CCDC195: variants seen among roughly 807,000 people sequenced by gnomAD.
The protein encoded by CCDC195 is coiled-coil domain-containing protein 195.
In CCDC195 at chr2:224,704,610, C is replaced by CTTTTTTTTTTTTTTTTTTTTT. The variant is rs55801561; in HGVS notation, c.483-724_483-723insAAAAAAAAAAAAAAAAAAAAA. 3.4e-3 allele frequency among the ~76,000 whole-genome samples: 374 copies of CTTTTTTTTTTTTTTTTTTTTT among 110,628 alleles called. 1 individual carries two copies. Among genetic ancestry groups the CTTTTTTTTTTTTTTTTTTTTT allele is most frequent in the Non-Finnish European group, 3.9e-3 (223 of 57,458 alleles). 72.6% of individuals were successfully genotyped at this position (110,628 alleles called of 152,430 possible). ...GCACCTTTTTTTTTTCTTTTCTTTT[C>CTTTTTTTTTTTTTTTTTTTTT]TTTTTTTTTTTTTTTTCTTTTTTTT... On this transcript the variant is annotated intron_variant, in intron 2 of 2. Coordinates refer to ENST00000638102, the Ensembl canonical transcript of CCDC195.
chr2:224,716,018 C>T (rs1689378496), intron 1 of CCDC195, 113 bp downstream of exon 1: 1 of 396,938 alleles, frequency 2.5e-6, no homozygotes, highest in African/African-American at 2.1e-5. Context: ...GGGATGAAAC[C>T]CACCACCGTT....
chr2:224,706,698 T>C (rs1373549357), intron 2 of CCDC195, among the ~76,000 whole-genome samples: 3 of 151,332 alleles, frequency 2.0e-5, no homozygotes, highest in Non-Finnish European at 4.4e-5. Flanking sequence ...TTAGTAGAGA[T>C]GGGGTTTCAC....
chr2:224,704,707 C>A (rs1574754861), intron 2 of CCDC195, among the ~76,000 whole-genome samples: 3 of 150,152 alleles, frequency 2.0e-5, no homozygotes, highest in Non-Finnish European at 4.4e-5. Context: ...AGTGCAACCT[C>A]CTCTTCCCAG....
chr2:224,706,059 A>G (rs1697236568), intron 2 of CCDC195, among the ~76,000 whole-genome samples: 1 of 152,066 alleles, frequency 6.6e-6, no homozygotes, highest in East Asian at 1.9e-4. Context: ...ATTATGATAT[A>G]TACACTGTAT....
chr2:224,708,279 A>G (rs1559320503), intron 2 of CCDC195, among the ~76,000 whole-genome samples: 1 of 152,260 alleles, frequency 6.6e-6, no homozygotes, highest in Non-Finnish European at 1.5e-5. Context: ...TATTTACAGA[A>G]TATTTTGGAA....
Position 224,706,189 on chromosome 2 carries a change from C to CTTTTTTTTTTTTTTTTTTTTTTT in CCDC195, c.483-2325_483-2303dup, listed in dbSNP as rs201012911. ...TGTATATTGCCTCTATATTTTGTAACTTTTTTTTTTTTTTTTTTTTTTTTT... is the reference window on the plus strand; with the variant it reads ...TGTATATTGCCTCTATATTTTGTAACTTTTTTTTTTTTTTTTTTTTTTTTTTTTTTTTTTTTTTTTTTTTTTTT... On this transcript the variant is annotated intron_variant, in intron 2 of 2. Transcript: ENST00000638102. 1.3e-3 allele frequency among the ~76,000 whole-genome samples: 44 copies of CTTTTTTTTTTTTTTTTTTTTTTT among 33,360 alleles called. 17 individuals are homozygous for CTTTTTTTTTTTTTTTTTTTTTTT. The highest frequency in any genetic ancestry group is 1.5e-3 in the Non-Finnish European group (33 of 21,490). 21.9% of individuals were successfully genotyped at this position (33,360 alleles called of 152,430 possible). A position where few individuals can be genotyped will look rare whatever the true frequency, so the allele number is the denominator to read the frequency against.
At chr2:224,706,509 CTTTT>C (rs35298629) in intron 2 of CCDC195, among the ~76,000 whole-genome samples, 2 of 95,724 alleles carry the variant, frequency 2.1e-5, no homozygotes, top group Admixed American at 1.2e-4. Context: ...CTGGCTGTAA[CTTTT>C]TTTTTTTTTT....
intron 1 of CCDC195, among the ~76,000 whole-genome samples, chr2:224,711,459 A>T (rs1245314504): frequency 2.6e-5 from 4 of 151,168 alleles, no homozygotes; most frequent in African/African-American, 9.8e-5. Context: ...ACACTGCATT[A>T]ACTCTGTGAT....
chr2:224,711,407 C>T (rs1689318843), intron 1 of CCDC195, among the ~76,000 whole-genome samples: 1 of 141,934 alleles, frequency 7.0e-6, no homozygotes, highest in Admixed American at 7.1e-5. Context: ...ATTAAAAGGG[C>T]TTTATTTTAG....
At position 224,714,125 on chromosome 2, in the gene CCDC195, C is replaced by A. The variant is rs144634646; in HGVS notation, c.235+2006G>T. Among the ~76,000 whole-genome samples the A allele has an allele frequency of 1.1e-3, 172 of 152,302 alleles. 2 individuals are homozygous for A. The East Asian group carries it at 0.022, about 19-fold the overall frequency. On this transcript the variant is annotated intron_variant, in intron 1 of 2. Coordinates refer to ENST00000638102, the Ensembl canonical transcript of CCDC195. ...AAAGCGCTGGGATTACAGGCATGAG[C>A]CACCATGCTTGGCCTCACCAATCCT... is the stretch of plus-strand genomic sequence containing the variant.
chr2:224,710,015 C>G (rs1574756664), exon 2 of CCDC195: 4 of 398,588 alleles, frequency 1.0e-5, no homozygotes, highest in Non-Finnish European at 1.8e-5. Flanking sequence ...TTGGCTGGTC[C>G]TATTGCTGGT....
At chr2:224,713,801 G>A (rs111750384) in intron 1 of CCDC195, among the ~76,000 whole-genome samples, 2 of 65,432 alleles carry the variant, frequency 3.1e-5, no homozygotes, top group Non-Finnish European at 5.3e-5. Flanking sequence ...TTTTTCACCA[G>A]TATTTTTTTT....
chr2:224,710,692 G>A (rs895881216), intron 1 of CCDC195, among the ~76,000 whole-genome samples: 3 of 152,184 alleles, frequency 2.0e-5, no homozygotes, highest in African/African-American at 7.2e-5. Context: ...AATATTAATT[G>A]AGTGCCAACC....
At chr2:224,708,046 G>T (rs1052361800) in intron 2 of CCDC195, among the ~76,000 whole-genome samples, 1 of 126,254 alleles carries the variant, frequency 7.9e-6, no homozygotes, top group Non-Finnish European at 1.6e-5. Flanking sequence ...TTAGAGGCAA[G>T]GTCTCACTAT....
At chr2:224,713,884 C>A (rs1689350326) in intron 1 of CCDC195, among the ~76,000 whole-genome samples, 1 of 151,130 alleles carries the variant, frequency 6.6e-6, no homozygotes, top group Non-Finnish European at 1.5e-5. Context: ...TCACTGCAGC[C>A]TCAAAGGAAT....
At chr2:224,712,546 C>T (rs564197810) in intron 1 of CCDC195, among the ~76,000 whole-genome samples, 9 of 152,270 alleles carry the variant, frequency 5.9e-5, no homozygotes, top group Admixed American at 1.3e-4. Context: ...TCTGCGTCCT[C>T]GGGTGACTTC....
At chr2:224,713,803 A>ATTTT (rs59559911) in intron 1 of CCDC195, among the ~76,000 whole-genome samples, 8 of 136,542 alleles carry the variant, frequency 5.9e-5, no homozygotes, top group Non-Finnish European at 7.7e-5. Context: ...TTTCACCAGT[A>ATTTT]TTTTTTTTTT....
At chr2:224,707,972 T>TTCCATCCCTCCC (rs1689241488) in intron 2 of CCDC195, among the ~76,000 whole-genome samples, 1 of 59,104 alleles carries the variant, frequency 1.7e-5, no homozygotes, top group Non-Finnish European at 3.0e-5. Flanking sequence ...CCCTCCCTTC[T>TTCCATCCCTCCC]TCCCTCCCTC....
chr2:224,711,940 T>C (rs1210902277), intron 1 of CCDC195, among the ~76,000 whole-genome samples: 2 of 152,230 alleles, frequency 1.3e-5, no homozygotes. Flanking sequence ...GTAACTTCCA[T>C]AATTATCTAA....
Sources: gnomAD v4.1 joint callset for allele counts (sites outside exome capture counted in the v4.1 genomes callset) on GRCh38, gnomAD v4.1.1 for gene constraint, MANE v1.5 for transcripts, NCBI Gene and HGNC (gene_info 2026-07-23, HGNC 2026-07-21) for gene names.